ASB10: variants seen among roughly 807,000 people sequenced by gnomAD.
ASB10 encodes ankyrin repeat and SOCS box protein 10.
A neutral mutation model predicts 35.4 loss-of-function variants in ASB10; 44 were observed. The observed-to-expected ratio is 1.24, with a 90% CI of 0.98 to 1.60. The LOEUF is 1.60. Ranked by LOEUF, ASB10 falls within the 40% of genes most tolerant of loss-of-function variation. ASB10 has a pLI of 0.00. For synonymous variants in ASB10, 294 were observed against 280.4 expected (o/e 1.05, Z -0.49); for missense variants, 647 against 634.3 (o/e 1.02, Z -0.22).
Position 151,186,428 on chromosome 7 carries a change from C to A in ASB10, c.548G>T (p.Arg183Leu). ...DPNIADQDGK[R>L]PLHLCRGPGT... The stretch of plus-strand genomic sequence containing the variant: ...AGGCCCCCGGCAGAGATGCAGGGGG[C>A]GTTTCCCATCCTGGTCAGCGATGTT... The change falls in exon 2 of 6, where the codon CGC (arginine) becomes CTC (leucine). Residue 183 changes from arginine (R) to leucine (L), a missense_variant. Coordinates refer to ENST00000420175, the MANE Select transcript of ASB10 (RefSeq NM_001142459.2). 6.3e-7 allele frequency: 1 copy of A among 1,587,534 alleles called. No individual in the cohort carries two copies.
chr7:151,181,455 A>G lies in ASB10; in HGVS notation c.588T>C (p.Cys196=), dbSNP rs148519960. 5.2e-4 allele frequency: 822 copies of G among 1,586,910 alleles called. 5 individuals carry two copies. The African/African-American group carries it at 9.6e-3, about 19-fold the overall frequency. Residue 196 remains cysteine (C), a synonymous_variant, in exon 3 of 6, where the codon TGT becomes TGC. Coordinates refer to ENST00000420175, the MANE Select transcript of ASB10 (RefSeq NM_001142459.2). ...CTCCAAACCTGAGGAGCAGCTCCGC[A>G]CACCTATTGGGGGGAGACGGTGGTG... The part of the protein sequence containing the change: ...HLCRGPGTLE[C]AELLLRFGAR...
At chr7:151,177,159 G>A (rs895736560) in intron 3 of ASB10, among the ~76,000 whole-genome samples, 2 of 152,250 alleles carry the variant, frequency 1.3e-5, no homozygotes, top group African/African-American at 4.8e-5. Flanking sequence ...GTTGCTTTAA[G>A]CTACCCACTT....
Position 151,186,418 on chromosome 7 carries a change from A to T in ASB10, c.558T>A (p.His186Gln). 6.3e-7 allele frequency: 1 copy of T among 1,587,954 alleles called. No individual in the cohort carries two copies. Among genetic ancestry groups the T allele is most frequent in the Non-Finnish European group, 8.6e-7 (1 of 1,167,458 alleles). Residue 186 changes from histidine (H) to glutamine (Q), a missense_variant, in exon 2 of 6, where the codon CAT (histidine) becomes CAA (glutamine). Physicochemically the swap from His to Gln is conservative, Grantham distance 24. Coordinates refer to ENST00000420175, the MANE Select transcript of ASB10 (RefSeq NM_001142459.2). ...CAAGGGTGCCAGGCCCCCGGCAGAG[A>T]TGCAGGGGGCGTTTCCCATCCTGGT... ...IADQDGKRPL[H>Q]LCRGPGTLEC...
intron 3 of ASB10, 28 bp from the exon 4 acceptor site, chr7:151,176,704 CTCAG>C: frequency 6.8e-7 from 1 of 1,473,252 alleles, no homozygotes; most frequent in Non-Finnish European, 9.3e-7. Context: ...ATGTTGGGTC[CTCAG>C]TCAGTCCACA....
At chr7:151,185,847 G>C (rs574948696) in intron 2 of ASB10, among the ~76,000 whole-genome samples, 1 of 152,296 alleles carries the variant, frequency 6.6e-6, no homozygotes, top group South Asian at 2.1e-4. Context: ...TAGTTAGTGA[G>C]AGTCCCTTGA....
At position 151,184,915 on chromosome 7, in the gene ASB10, G is replaced by A. The variant is rs553446294; in HGVS notation, c.584+1477C>T. Among the ~76,000 whole-genome samples the A allele has an allele frequency of 1.1e-4, 17 of 151,812 alleles. No individual in the cohort carries two copies. In the South Asian group the frequency reaches 3.1e-3, roughly 28 times the overall value. ...CGGGGGCCTGTAGTCCCAGCTACTC[G>A]CGAGGCTGAGGCAGGAGGATGGCGT... is the stretch of plus-strand genomic sequence containing the variant. On this transcript the variant is annotated intron_variant, in intron 2 of 5. Coordinates refer to ENST00000420175, the MANE Select transcript of ASB10 (RefSeq NM_001142459.2).
At chr7:151,176,538 T>C (rs1254989416) in intron 4 of ASB10, 25 bp downstream of exon 4, 2 of 1,540,540 alleles carry the variant, frequency 1.3e-6, no homozygotes, top group Admixed American at 4.0e-5. Context: ...TGAGAAGCTC[T>C]ATGTTCAGGG....
In ASB10 at chr7:151,187,020, C is replaced by T. The variant is rs1357855873; in HGVS notation, c.111G>A (p.Glu37=). The change falls in exon 1 of 6, where the codon GAG becomes GAA. Residue 37 remains glutamate, a synonymous_variant. Transcript: ENST00000420175. The surrounding 1 kb of genome is among the most constrained non-coding windows in gnomAD (Gnocchi z 5.3). The stretch of plus-strand genomic sequence containing the variant: ...TGGGTCCCGGGCCAGACTTGAGGTG[C>T]TCCTCAGACCCTCTGCTGGGCTTCT... ...LVEKPSRGSE[E]HLKSGPGPIV... The T allele has an allele frequency of 3.1e-6, 5 of 1,609,714 alleles. No individual in the cohort carries two copies. The African/African-American group carries it at 6.7e-5, about 22-fold the overall frequency.
rs781304410 is a variant in ASB10, at chr7:151,181,171, T to C, written c.872A>G (p.Asp291Gly). Residue 291 changes from aspartate to glycine, a missense_variant, in exon 3 of 6, where the codon GAC becomes GGC. Physicochemically the swap from Asp to Gly is moderately conservative, Grantham distance 94. Transcript: ENST00000420175. ...LSAGADADAA[D>G]QDKQRPLHLA... ...GTGCAGGGGTCGCTGCTTGTCCTGG[T>C]CCGCAGCATCAGCGTCTGCTCCAGC... The C allele has an allele frequency of 7.7e-5, 124 of 1,611,138 alleles. No homozygotes were observed. The highest frequency in any genetic ancestry group is 1.0e-4 in the Admixed American group (6 of 59,910).
chr7:151,176,240 G>A lies in ASB10; in HGVS notation c.1276C>T (p.Gln426Ter), dbSNP rs1393239683. 5.0e-6 allele frequency: 8 copies of A among 1,597,948 alleles called. No individual in the cohort carries two copies. The East Asian group carries it at 1.6e-4, about 31-fold the overall frequency. Residue 426 changes from glutamine to a stop codon, truncating the protein, a stop_gained, in exon 5 of 6, where the codon CAG becomes TAG. Coordinates refer to ENST00000420175, the MANE Select transcript of ASB10 (RefSeq NM_001142459.2). LOFTEE classifies it high-confidence loss of function. ...FALVRQPRSL[Q>*]HLSRCALRSH... The stretch of plus-strand genomic sequence containing the variant: ...CGGAGCGCACAGCGGCTCAAATGCT[G>A]CAGCGACCTGGGCTGCCTCACCAAG...
Position 151,186,420 on chromosome 7 carries a change from G to T in ASB10, c.556C>A (p.His186Asn), listed in dbSNP as rs1326926063. 6.3e-7 allele frequency: 1 copy of T among 1,587,850 alleles called. No individual in the cohort carries two copies. The highest frequency in any genetic ancestry group is 1.3e-5 in the African/African-American group (1 of 74,518). The change falls in exon 2 of 6, where the codon CAT becomes AAT. Residue 186 changes from histidine to asparagine, a missense_variant. Physicochemically the swap from His to Asn is moderately conservative, Grantham distance 68 (BLOSUM62 1). Transcript: ENST00000420175. The part of the protein sequence containing the change: ...IADQDGKRPL[H>N]LCRGPGTLEC... ...AGGGTGCCAGGCCCCCGGCAGAGATGCAGGGGGCGTTTCCCATCCTGGTCA... is the reference window on the plus strand; with the variant it reads ...AGGGTGCCAGGCCCCCGGCAGAGATTCAGGGGGCGTTTCCCATCCTGGTCA...
upstream of ASB10, chr7:151,187,731 C>G (rs527598060): frequency 6.8e-7 from 1 of 1,460,808 alleles, no homozygotes; most frequent in African/African-American, 1.4e-5. The surrounding 1 kb of genome is among the most constrained non-coding windows in gnomAD (Gnocchi z 5.3). Context: ...ATGGCTTGTT[C>G]TGGGAGAGCC....
chr7:151,177,832 T>A lies in ASB10; in HGVS notation c.1105-1156A>T, dbSNP rs1021071891. Among the ~76,000 whole-genome samples, 8 of 152,238 alleles carry A rather than the reference T, an allele frequency of 5.3e-5. No homozygotes were observed. In the South Asian group the frequency reaches 1.7e-3, roughly 32 times the overall value. ...AACTATTTATTGAGGGCCTACTATG[T>A]GCCAAGCACTTCGAATCCAGCAGTG... On this transcript the variant is annotated intron_variant, in intron 3 of 5. Coordinates refer to ENST00000420175, the MANE Select transcript of ASB10 (RefSeq NM_001142459.2).
chr7:151,182,169 A>C (rs1563572126), intron 2 of ASB10, among the ~76,000 whole-genome samples: 1 of 152,072 alleles, frequency 6.6e-6, no homozygotes, highest in Admixed American at 6.5e-5. Flanking sequence ...TAGGGCTGCT[A>C]TTTGGGTTCA....
In ASB10 at chr7:151,186,408, C is replaced by T. The variant is rs768273821; in HGVS notation, c.568G>A (p.Gly190Arg). ...GTCACTCACTCAAGGGTGCCAGGCC[C>T]CCGGCAGAGATGCAGGGGGCGTTTC... ...DGKRPLHLCR[G>R]PGTLECAELL... The change falls in exon 2 of 6, where the codon GGG becomes AGG. Residue 190 changes from glycine (G) to arginine (R), a missense_variant. Coordinates refer to ENST00000420175, the MANE Select transcript of ASB10 (RefSeq NM_001142459.2). 1.9e-6 allele frequency: 3 copies of T among 1,587,102 alleles called. No individual in the cohort carries two copies. The highest frequency in any genetic ancestry group is 2.6e-6 in the Non-Finnish European group (3 of 1,167,154).
Position 151,186,675 on chromosome 7 carries a change from G to T in ASB10, c.317-16C>A, listed in dbSNP as rs183535667. On this transcript the variant is annotated splice_polypyrimidine_tract_variant and intron_variant, in intron 1 of 5. Transcript: ENST00000420175. ...GACCAGAGTCCTAGGGAGGGGAGAC[G>T]TGGGCCTCAGATCCCCAGGGAAGGC... 1 of 1,587,880 alleles carries T rather than the reference G, an allele frequency of 6.3e-7. No individual in the cohort carries two copies. Among genetic ancestry groups the T allele is most frequent in the South Asian group, 1.1e-5 (1 of 88,292 alleles).
Position 151,175,980 on chromosome 7 carries a change from T to G in ASB10, c.*1-14A>C. The G allele has an allele frequency of 1.7e-6, 2 of 1,160,722 alleles. No homozygotes were observed. The highest frequency in any genetic ancestry group is 1.6e-5 in the South Asian group (1 of 61,846). The allele number at this position is 1,160,722 out of a possible 1,614,324, so 71.9% of individuals were successfully genotyped here. Reference sequence around the variant, plus strand: ...GGCCATGGACATCTGGAAGGAGAGGTTTGGATTCAGAGGCTTCTGGTGGTT... The same window carrying G: ...GGCCATGGACATCTGGAAGGAGAGGGTTGGATTCAGAGGCTTCTGGTGGTT... On this transcript the variant is annotated splice_polypyrimidine_tract_variant and intron_variant, in intron 5 of 5. Coordinates refer to ENST00000420175, the MANE Select transcript of ASB10 (RefSeq NM_001142459.2).
At position 151,187,039 on chromosome 7, in the gene ASB10, G is replaced by T. The variant is rs757152540; in HGVS notation, c.92C>A (p.Pro31His). The T allele has an allele frequency of 6.2e-7, 1 of 1,610,662 alleles. No homozygotes were observed. Among genetic ancestry groups the T allele is most frequent in the African/African-American group, 1.3e-5 (1 of 75,006 alleles). Residue 31 changes from proline to histidine, a missense_variant, in exon 1 of 6, where the codon CCC (proline) becomes CAC (histidine). Coordinates refer to ENST00000420175, the MANE Select transcript of ASB10 (RefSeq NM_001142459.2). This position sits in a 1 kb window ranked among gnomAD's most constrained non-coding sequence, Gnocchi z 5.3. The part of the protein sequence containing the change: ...HPLCARLVEK[P>H]SRGSEEHLKS... Reference sequence around the variant, plus strand: ...GAGGTGCTCCTCAGACCCTCTGCTGGGCTTCTCCACCAGCCTGGCACAGAG... The same window carrying T: ...GAGGTGCTCCTCAGACCCTCTGCTGTGCTTCTCCACCAGCCTGGCACAGAG...
intron 3 of ASB10, among the ~76,000 whole-genome samples, chr7:151,179,767 C>T (rs1470002316): frequency 6.6e-6 from 1 of 152,174 alleles, no homozygotes; most frequent in Non-Finnish European, 1.5e-5. Flanking sequence ...ACCCAGGAAA[C>T]CCTTTCGCTG....
Sources: gnomAD v4.1 joint callset for allele counts (sites outside exome capture counted in the v4.1 genomes callset) on GRCh38, gnomAD v4.1.1 for gene constraint, Gnocchi (gnomAD v3.1) non-coding constraint, MANE v1.5 for transcripts, NCBI Gene and HGNC (gene_info 2026-07-23, HGNC 2026-07-21) for gene names.